IL1RAPL2: variants seen among roughly 807,000 people sequenced by gnomAD.
IL1RAPL2 encodes X-linked interleukin-1 receptor accessory protein-like 2.
A neutral mutation model predicts 44.1 loss-of-function variants in IL1RAPL2; 3 were observed. That is an observed-to-expected ratio of 0.07 (90% confidence interval 0.03 to 0.18). The LOEUF (loss-of-function observed/expected upper bound fraction) is 0.18, where lower values mean the gene tolerates loss of function less well. IL1RAPL2 is among the 10% of genes least tolerant of loss of function. The probability of loss-of-function intolerance (pLI) is 1.00; values close to 1 mark genes in which losing one functional copy is unlikely to be tolerated. For missense variants in IL1RAPL2, 391 were observed against 496.4 expected, an observed-to-expected ratio of 0.79 and a Z score of 2.02; for synonymous variants, 181 against 178.8, an observed-to-expected ratio of 1.01 and a Z score of -0.10.
intron 2 of IL1RAPL2, among the ~76,000 whole-genome samples, chrX:105,077,645 A>G (rs999995086): frequency 4.5e-5 from 5 of 111,948 alleles, no homozygotes; most frequent in African/African-American, 1.6e-4. Context: ...GTTTTTTCCA[A>G]CTTGGTTCCA....
rs186743255 is a variant in IL1RAPL2, at chrX:105,605,373, T to C, written c.773-111994T>C. Among the ~76,000 whole-genome samples, 633 of 111,181 alleles carry C rather than the reference T, an allele frequency of 5.7e-3. 9 individuals carry two copies. Among genetic ancestry groups the C allele is most frequent in the African/African-American group, 0.019 (592 of 30,714 alleles). On this transcript the variant is annotated intron_variant, in intron 6 of 10. Transcript: ENST00000372582. ...TTACAAGAGCTAAAAAATAAAACAC[T>C]TGGGAATAAATTTAACAAAGGAGGT...
At chrX:105,419,190 C>G (rs1569438246) in intron 5 of IL1RAPL2, among the ~76,000 whole-genome samples, 1 of 111,751 alleles carries the variant, frequency 8.9e-6, no homozygotes, top group Non-Finnish European at 1.9e-5. Context: ...TTGAAAACAT[C>G]TATGTTATAA....
At chrX:105,626,008 A>C in intron 6 of IL1RAPL2, among the ~76,000 whole-genome samples, 1 of 111,761 alleles carries the variant, frequency 8.9e-6, no homozygotes, top group Middle Eastern at 4.6e-3. Context: ...GGAGTGCCTT[A>C]TTTAAATTCT....
At chrX:104,676,436 C>A (rs1930759441) in intron 2 of IL1RAPL2, among the ~76,000 whole-genome samples, 1 of 111,927 alleles carries the variant, frequency 8.9e-6, no homozygotes, top group Non-Finnish European at 1.9e-5. Context: ...CCCCCACTCT[C>A]TTCTGGCTTA....
intron 2 of IL1RAPL2, among the ~76,000 whole-genome samples, chrX:104,900,585 G>A (rs1407943990): frequency 9.0e-6 from 1 of 111,655 alleles, no homozygotes; most frequent in Non-Finnish European, 1.9e-5. Context: ...GACCTAGGCT[G>A]GGCTCTAAGC....
intron 2 of IL1RAPL2, among the ~76,000 whole-genome samples, chrX:104,874,235 C>T (rs1922841412): frequency 9.4e-6 from 1 of 106,936 alleles, no homozygotes; most frequent in Non-Finnish European, 1.9e-5. Flanking sequence ...TGTCTATTTA[C>T]AGACCTCTAA....
intron 6 of IL1RAPL2, among the ~76,000 whole-genome samples, chrX:105,706,629 A>G (rs1442048919): frequency 6.3e-5 from 7 of 111,289 alleles, no homozygotes; most frequent in Non-Finnish European, 1.1e-4. Flanking sequence ...GCTGGAGAGT[A>G]CATGGCTCAA....
chrX:104,619,749 T>C (rs1233355374), intron 1 of IL1RAPL2, among the ~76,000 whole-genome samples: 1 of 112,258 alleles, frequency 8.9e-6, no homozygotes, highest in East Asian at 2.8e-4. Flanking sequence ...CATTTATGTA[T>C]ATAATACTGT....
At chrX:104,593,904 A>G (rs1176425956) in intron 1 of IL1RAPL2, among the ~76,000 whole-genome samples, 2 of 112,273 alleles carry the variant, frequency 1.8e-5, no homozygotes, top group Non-Finnish European at 3.8e-5. Flanking sequence ...TCTATCTACC[A>G]AAGACCCTAC....
At chrX:105,029,099 C>T (rs2031428508) in intron 2 of IL1RAPL2, among the ~76,000 whole-genome samples, 2 of 109,186 alleles carry the variant, frequency 1.8e-5, no homozygotes, top group African/African-American at 6.6e-5. Context: ...CATTCAACGT[C>T]TTTGTTCAAG....
chrX:105,024,660 C>A (rs1307637568), intron 2 of IL1RAPL2, among the ~76,000 whole-genome samples: 2 of 111,300 alleles, frequency 1.8e-5, no homozygotes, highest in Non-Finnish European at 3.8e-5. Flanking sequence ...CTTCTCCAAT[C>A]AAAAGAGAAA....
chrX:105,222,182 A>G (rs1695935942), intron 3 of IL1RAPL2, among the ~76,000 whole-genome samples: 1 of 112,027 alleles, frequency 8.9e-6, no homozygotes, highest in South Asian at 3.7e-4. Flanking sequence ...ACTAAGCCAT[A>G]CAGGGATACA....
chrX:105,109,438 G>A (rs768481562), intron 2 of IL1RAPL2, among the ~76,000 whole-genome samples: 4 of 112,151 alleles, frequency 3.6e-5, no homozygotes, highest in African/African-American at 6.5e-5. Flanking sequence ...AAATAATAAT[G>A]TATTGATTCA....
intron 5 of IL1RAPL2, among the ~76,000 whole-genome samples, chrX:105,350,123 A>ATT (rs1404012193): frequency 2.7e-5 from 3 of 112,090 alleles, no homozygotes; most frequent in Non-Finnish European, 5.6e-5. Flanking sequence ...ATAGCTACAT[A>ATT]TTGGACTGCT....
intron 1 of IL1RAPL2, among the ~76,000 whole-genome samples, chrX:104,582,038 C>T (rs1200666943): frequency 1.8e-5 from 2 of 111,663 alleles, no homozygotes; most frequent in African/African-American, 6.5e-5. Flanking sequence ...AGACAGAGAA[C>T]TTAAAGGATA....
intron 1 of IL1RAPL2, among the ~76,000 whole-genome samples, chrX:104,591,584 A>G: frequency 9.3e-6 from 1 of 107,813 alleles, no homozygotes; most frequent in Non-Finnish European, 1.9e-5. Flanking sequence ...TGTTGGTTAT[A>G]GAAAAAGAAA....
chrX:105,455,325 A>T (rs1276904552), intron 5 of IL1RAPL2, among the ~76,000 whole-genome samples: 3 of 112,073 alleles, frequency 2.7e-5, no homozygotes, highest in African/African-American at 9.7e-5. Flanking sequence ...CTCTAATTTA[A>T]TTAAACCTGT....
intron 8 of IL1RAPL2, among the ~76,000 whole-genome samples, chrX:105,743,362 C>G (rs1157384297): frequency 1.8e-5 from 2 of 111,353 alleles, no homozygotes; most frequent in African/African-American, 6.5e-5. Context: ...CATTATAACA[C>G]TAGCCTGCTT....
chrX:104,919,251 G>A (rs750483461), intron 2 of IL1RAPL2, among the ~76,000 whole-genome samples: 1 of 100,979 alleles, frequency 9.9e-6, no homozygotes, highest in Admixed American at 1.1e-4. Flanking sequence ...TTAAGATGGT[G>A]TTTCGCTGTT....
Sources: gnomAD v4.1 joint callset for allele counts (sites outside exome capture counted in the v4.1 genomes callset) on GRCh38, gnomAD v4.1.1 for gene constraint, MANE v1.5 for transcripts, NCBI Gene and HGNC (gene_info 2026-07-23, HGNC 2026-07-21) for gene names.